Variants in TTN observed in about 807,000 individuals in gnomAD.
TTN encodes the protein titin, also known as connectin.
In TTN, 1,525 loss-of-function variants were observed where a neutral mutation model predicts 3,223.0. The ratio of observed to expected loss-of-function variants is 0.47; its 90% CI spans 0.45 to 0.49. The LOEUF is 0.49. TTN is among the 20% of genes least tolerant of loss of function. TTN has a pLI of 0.00. For synonymous variants in TTN, 14,094 were observed against 15,161.0 expected (o/e 0.93, Z 5.17); for missense variants, 40,786 against 43,424.0 (o/e 0.94, Z 5.40).
Position 178,597,589 on chromosome 2 carries a change from C to T in TTN, c.57493G>A (p.Ala19165Thr). 1 of 1,612,856 alleles carries T rather than the reference C, an allele frequency of 6.2e-7. No individual in the cohort carries two copies. The highest frequency in any genetic ancestry group is 8.5e-7 in the Non-Finnish European group (1 of 1,179,464). ...RSHQGVYSLL[A>T]KNEAGERKKT... ...TTTCTTTCTCCGGCTTCATTTTTGG[C>T]AAGAAGAGAATAGACGCCTTGATGG... The change falls in exon 294 of 363, where the codon GCC becomes ACC. Residue 19165 changes from alanine (A) to threonine (T), a missense_variant. Coordinates refer to ENST00000589042, the MANE Select transcript of TTN (RefSeq NM_001267550.2).
In TTN at chr2:178,576,568, T is replaced by C. The variant is rs72646885; in HGVS notation, c.69676A>G (p.Ser23226Gly). 11,336 of 1,613,606 alleles carry C rather than the reference T, an allele frequency of 7.0e-3. 78 individuals are homozygous for C. The highest frequency in any genetic ancestry group is 0.018 in the Middle Eastern group (107 of 6,060). ...AENRAGIGPP[S>G]EASDSVLMKD... ...ATCAGAACAGAATCTGAAGCCTCAC[T>C]GGGTGGACCAATTCCTGCTCTGTTT... Residue 23226 changes from serine to glycine, a missense_variant, in exon 325 of 363, where the codon AGT becomes GGT. Ser to Gly is a moderately conservative substitution (Grantham distance 56). Transcript: ENST00000589042. The surrounding 1 kb of genome is among the most constrained non-coding windows in gnomAD (Gnocchi z 4.3).
At position 178,645,989 on chromosome 2, in the gene TTN, G is replaced by A. The variant is rs1434404450; in HGVS notation, c.40339C>T (p.Pro13447Ser). ...EKVIEKPKLK[P>S]RPPPPPPAPP... ...GCAGGTGGAGGAGGTGGGGGTCTTG[G>A]TTTGAGTTTTGGCTTCTCAATAACC... Residue 13447 changes from proline to serine, a missense_variant, in exon 217 of 363, where the codon CCA becomes TCA. By Grantham distance (74) the Pro-to-Ser change is moderately conservative (BLOSUM62 -1). Transcript: ENST00000589042. 6.3e-7 allele frequency: 1 copy of A among 1,582,774 alleles called. No homozygotes were observed.
At position 178,652,213 on chromosome 2, in the gene TTN, A is replaced by T. The variant is rs759689612; in HGVS notation, c.39212-34T>A. The T allele has an allele frequency of 3.1e-6, 5 of 1,612,530 alleles. No individual in the cohort carries two copies. The Admixed American group carries it at 8.3e-5, about 27-fold the overall frequency. ...GATATTATTATTTTCATTGTTAGAC[A>T]AAGTAAAGACAAACAAACAATATCA... On this transcript the variant is annotated intron_variant, in intron 203 of 362. Transcript: ENST00000589042.
rs1405972121 is a variant in TTN at position 178,611,758 on chromosome 2, T to C, written c.50551A>G (p.Ser16851Gly). 2 of 1,611,622 alleles carry C rather than the reference T, an allele frequency of 1.2e-6. No individual in the cohort carries two copies. Among genetic ancestry groups the C allele is most frequent in the Non-Finnish European group, 1.7e-6 (2 of 1,178,846 alleles). ...TEILSIEDPT[S>G]PPSPPLDLHV... The stretch of plus-strand genomic sequence containing the variant: ...CTTGTGTATAATCAGCACTACTTAC[T>C]TGTTGGATCTTCAATGGATAGGATT... The change falls in exon 268 of 363, where the codon AGT becomes GGT. Residue 16851 changes from serine to glycine, a missense_variant and splice_region_variant. Transcript: ENST00000589042.
chr2:178,538,287 A>T (rs1225673845), intron 354 of TTN: 5 of 476,520 alleles, frequency 1.0e-5, no homozygotes, highest in Non-Finnish European at 1.8e-5. Flanking sequence ...AAATATTTTT[A>T]AAAAGAAACC....
rs878918075 is a variant in TTN at position 178,575,508 on chromosome 2, T to C, written c.70624A>G (p.Met23542Val). The C allele has an allele frequency of 6.2e-7, 1 of 1,613,680 alleles. No homozygotes were observed. Among genetic ancestry groups the C allele is most frequent in the Non-Finnish European group, 8.5e-7 (1 of 1,179,672 alleles). The change falls in exon 326 of 363, where the codon ATG (methionine) becomes GTG (valine). Residue 23542 changes from methionine (M) to valine (V), a missense_variant. Transcript: ENST00000589042. This position sits in a 1 kb window ranked among gnomAD's most constrained non-coding sequence, Gnocchi z 4.0. The stretch of plus-strand genomic sequence containing the variant: ...CTGACGGTGCTCTTAGTTATGTCCA[T>C]GATGTTAAGGCTGTCTGGTGGAGAT... ...APSPPDSLNI[M>V]DITKSTVSLA...
chr2:178,570,509 G>C lies in TTN; in HGVS notation c.75623C>G (p.Pro25208Arg). ...NVKVLDRPGPPEGPVVISGVT... is the reference protein window; with the variant it reads ...NVKVLDRPGPREGPVVISGVT... ...TCCTGAGATAACAACAGGTCCTTCA[G>C]GTGGCCCTGGTCTGTCAAGAACCTT... is the stretch of plus-strand genomic sequence containing the variant. The change falls in exon 326 of 363, where the codon CCT (proline) becomes CGT (arginine). Residue 25208 changes from proline to arginine, a missense_variant. Pro to Arg is a moderately radical substitution (Grantham distance 103). Transcript: ENST00000589042. 6.2e-7 allele frequency: 1 copy of C among 1,613,256 alleles called. No individual in the cohort carries two copies. The highest frequency in any genetic ancestry group is 8.5e-7 in the Non-Finnish European group (1 of 1,179,578).
In TTN at chr2:178,602,003, T is replaced by C. The variant is rs752722625; in HGVS notation, c.55268A>G (p.Lys18423Arg). ...AGAGGAGAATGGTTATTTTCCTACC[T>C]TCATTGCTTTCTTTGCCTTTCCATC... Reference protein sequence around the residue: ...EFDGKAKKAMKDGVHDIPEDA... With the variant: ...EFDGKAKKAMRDGVHDIPEDA... The change falls in exon 284 of 363, where the codon AAG (lysine) becomes AGG (arginine). Residue 18423 changes from lysine to arginine, a missense_variant and splice_region_variant. Coordinates refer to ENST00000589042, the MANE Select transcript of TTN (RefSeq NM_001267550.2). 1.9e-6 allele frequency: 3 copies of C among 1,612,794 alleles called. No homozygotes were observed. The Admixed American group carries it at 5.0e-5, about 27-fold the overall frequency.
Position 178,542,200 on chromosome 2 carries a change from A to AT in TTN, c.97492+63dup. The AT allele has an allele frequency of 5.4e-6, 8 of 1,479,242 alleles. No homozygotes were observed. The South Asian group carries it at 1.1e-4, about 20-fold the overall frequency. The allele number at this position is 1,479,242 out of a possible 1,614,324, so 91.6% of individuals were successfully genotyped here. A position where few individuals can be genotyped will look rare whatever the true frequency, so the allele number is the denominator to read the frequency against. ...TTACATTAGGGCATATTAAAAACAA[A>AT]TTCTTTTTTGTTAACATTCAGAATC... On this transcript the variant is annotated intron_variant, in intron 349 of 362. Coordinates refer to ENST00000589042, the MANE Select transcript of TTN (RefSeq NM_001267550.2).
At chr2:178,603,823 T>C (rs1420650672) in intron 282 of TTN, 53 bp downstream of exon 282, 1 of 1,470,630 alleles carries the variant, frequency 6.8e-7, no homozygotes, top group African/African-American at 1.4e-5. Flanking sequence ...GAATTATCCA[T>C]TTAGTGACTT....
Position 178,789,366 on chromosome 2 carries a change from A to G in TTN, c.2070T>C (p.His690=). The G allele has an allele frequency of 1.9e-6, 3 of 1,613,266 alleles. No individual in the cohort carries two copies. Among genetic ancestry groups the G allele is most frequent in the South Asian group, 1.1e-5 (1 of 91,068 alleles). The change falls in exon 13 of 363, where the codon CAT becomes CAC. Residue 690 remains histidine (H), a synonymous_variant. Transcript: ENST00000589042. ...TTGGAACAACAATAGTCACCTTTCC[A>G]TGGGTAACTTGGATTTGTTCTTGTC... ...ATRQEQIQVT[H]GKVDVGKKAE...
At position 178,665,859 on chromosome 2, in the gene TTN, CACATACAGA is replaced by C. The variant is rs2065839897; in HGVS notation, c.35876-77_35876-69del. Reference sequence around the variant, plus strand: ...GAGTAAAGAGTTCCCATCTTAACTGCACATACAGAACATTCCAGATGGGAACCTTCTCCC... The same window carrying C: ...GAGTAAAGAGTTCCCATCTTAACTGCACATTCCAGATGGGAACCTTCTCCC... On this transcript the variant is annotated intron_variant, in intron 163 of 362. Coordinates refer to ENST00000589042, the MANE Select transcript of TTN (RefSeq NM_001267550.2). The C allele has an allele frequency of 1.2e-5, 9 of 759,312 alleles. No homozygotes were observed. In the South Asian group the frequency reaches 5.2e-4, roughly 44 times the overall value. The allele number at this position is 759,312 out of a possible 1,614,324, so 47.0% of individuals were successfully genotyped here.
intron 113 of TTN, 111 bp downstream of exon 113, chr2:178,697,010 G>C (rs1282207997): frequency 1.4e-5 from 13 of 934,384 alleles, no homozygotes; most frequent in Non-Finnish European, 2.0e-5. Context: ...CACAGCAGAG[G>C]AGACTCCACA....
Position 178,762,102 on chromosome 2 carries a change from A to G in TTN, c.10114+2075T>C, listed in dbSNP as rs531975173. Among the ~76,000 whole-genome samples, 3 of 152,254 alleles carry G rather than the reference A, an allele frequency of 2.0e-5. No homozygotes were observed. In the East Asian group the frequency reaches 5.8e-4, roughly 29 times the overall value. On this transcript the variant is annotated intron_variant, in intron 43 of 362. Transcript: ENST00000589042. The stretch of plus-strand genomic sequence containing the variant: ...ACCCCCAAGAACATGGGAGCTTCTG[A>G]AGACTCCCAATTTCTTTCCAATTTG...
In TTN at chr2:178,785,956, G is replaced by A. The variant is rs764412646; in HGVS notation, c.2262C>T (p.Ala754=). ...AKVAEPPQRP[A]SEPHVVPKAV... is the part of the protein sequence containing the mutation. ...CTTTAGGGACAACGTGGGGTTCTGAGGCTGGACGTTGGGGAGGCTCAGCTA... is the reference window on the plus strand; with the variant it reads ...CTTTAGGGACAACGTGGGGTTCTGAAGCTGGACGTTGGGGAGGCTCAGCTA... Residue 754 remains alanine (A), a synonymous_variant, in exon 14 of 363, where the codon GCC becomes GCT. Transcript: ENST00000589042. 2 of 1,614,132 alleles carry A rather than the reference G, an allele frequency of 1.2e-6. No homozygotes were observed. Among genetic ancestry groups the A allele is most frequent in the Non-Finnish European group, 1.7e-6 (2 of 1,180,008 alleles).
chr2:178,722,373 T>C lies in TTN; in HGVS notation c.22414A>G (p.Asn7472Asp), dbSNP rs1174856533. The C allele has an allele frequency of 1.2e-6, 2 of 1,613,308 alleles. No individual in the cohort carries two copies. The highest frequency in any genetic ancestry group is 1.7e-6 in the Non-Finnish European group (2 of 1,179,578). ...TGCAAAATTTTTAAAGTTGCCACAT[T>C]ATCTACAAATGAAGTCTGTAGATTT... Reference protein sequence around the residue: ...DENLQTSFVDNVATLKILQTD... With the variant: ...DENLQTSFVDDVATLKILQTD... The change falls in exon 77 of 363, where the codon AAT (asparagine) becomes GAT (aspartate). Residue 7472 changes from asparagine to aspartate, a missense_variant. Physicochemically the swap from Asn to Asp is conservative, Grantham distance 23. Coordinates refer to ENST00000589042, the MANE Select transcript of TTN (RefSeq NM_001267550.2).
rs1256433992 is a variant in TTN, at chr2:178,575,266, G to A, written c.70866C>T (p.Val23622=). ...GAAGCATTGTCTGCTCCTTGACAAT[G>A]ACGGGTCTGCTTTCTCTAGGGGCAC... ...GRSAPRESRP[V]IVKEQTMLPE... is the part of the protein sequence containing the mutation. Residue 23622 remains valine, a synonymous_variant, in exon 326 of 363, where the codon GTC becomes GTT. Coordinates refer to ENST00000589042, the MANE Select transcript of TTN (RefSeq NM_001267550.2). This position sits in a 1 kb window ranked among gnomAD's most constrained non-coding sequence, Gnocchi z 4.0. The A allele has an allele frequency of 1.2e-6, 2 of 1,613,188 alleles. No individual in the cohort carries two copies. Among genetic ancestry groups the A allele is most frequent in the African/African-American group, 1.3e-5 (1 of 74,908 alleles).
intron 70 of TTN, 22 bp downstream of exon 70, chr2:178,725,746 C>T (rs1417322345): frequency 6.4e-7 from 1 of 1,563,172 alleles, no homozygotes. Context: ...ACATTTCTGC[C>T]ATGTGGATGA....
chr2:178,583,122 G>C lies in TTN; in HGVS notation c.65681C>G (p.Thr21894Arg). 6.2e-7 allele frequency: 1 copy of C among 1,612,004 alleles called. No individual in the cohort carries two copies. Among genetic ancestry groups the C allele is most frequent in the Non-Finnish European group, 8.5e-7 (1 of 1,178,928 alleles). The change falls in exon 313 of 363, where the codon ACA becomes AGA. Residue 21894 changes from threonine (T) to arginine (R), a missense_variant. Thr to Arg is a moderately conservative substitution (Grantham distance 71). Coordinates refer to ENST00000589042, the MANE Select transcript of TTN (RefSeq NM_001267550.2). ...DATVFGKPMP[T>R]VSWKKDGTLL... The stretch of plus-strand genomic sequence containing the variant: ...TGTGCCATCTTTTTTCCAAGAAACT[G>C]TTGGCATCGGTTTACCAAAAACAGT...
Sources: allele counts gnomAD v4.1 joint callset (sites outside exome capture counted in the v4.1 genomes callset), GRCh38; gene constraint gnomAD v4.1.1; non-coding constraint Gnocchi (gnomAD v3.1); transcripts MANE v1.5; gene names NCBI Gene and HGNC (gene_info 2026-07-23, HGNC 2026-07-21).